Variants in NRXN1 observed in about 807,000 individuals in gnomAD.
NRXN1 encodes the protein neurexin-1.
In NRXN1, 39 loss-of-function variants were observed where a neutral mutation model predicts 150.9. The ratio of observed to expected loss-of-function variants is 0.26; its 90% CI spans 0.20 to 0.34. The LOEUF (loss-of-function observed/expected upper bound fraction) is 0.34, where lower values mean the gene tolerates loss of function less well. Among genes scored for constraint, NRXN1 ranks in the 10% least tolerant of loss-of-function variants. The pLI, the probability that NRXN1 is intolerant of heterozygous loss-of-function variation, is 1.00. For missense variants in NRXN1, 1,815 were observed against 1,949.9 expected (o/e 0.93, Z 1.30); for synonymous variants, 924 against 757.0 (o/e 1.22, Z -3.62).
intron 3 of NRXN1, among the ~76,000 whole-genome samples, chr2:50,923,935 G>C (rs980920070): frequency 4.6e-5 from 7 of 151,720 alleles, no homozygotes; most frequent in African/African-American, 1.7e-4. Context: ...ACAGTAGTGT[G>C]ATGCCTCTGA....
chr2:50,144,364 G>T (rs1307943604), intron 18 of NRXN1, among the ~76,000 whole-genome samples: 1 of 151,670 alleles, frequency 6.6e-6, no homozygotes, highest in Non-Finnish European at 1.5e-5. Context: ...TTTCATCCAG[G>T]TTGATACTCA....
intron 15 of NRXN1, among the ~76,000 whole-genome samples, chr2:50,494,122 C>T (rs2091423987): frequency 6.6e-6 from 1 of 152,182 alleles, no homozygotes; most frequent in Non-Finnish European, 1.5e-5. Flanking sequence ...TCTCAGGAGA[C>T]AGTGTCCTAA....
intron 5 of NRXN1, among the ~76,000 whole-genome samples, chr2:50,894,603 C>T (rs1681633663): frequency 6.6e-6 from 1 of 151,978 alleles, no homozygotes; most frequent in Admixed American, 6.6e-5. Flanking sequence ...CTAAGATCTA[C>T]TGAACATGAA....
intron 17 of NRXN1, among the ~76,000 whole-genome samples, chr2:50,287,848 T>C (rs1041708826): frequency 7.2e-5 from 11 of 152,178 alleles, no homozygotes; most frequent in African/African-American, 2.7e-4. Flanking sequence ...TTAGTATGTA[T>C]TAAATTTTTA....
At chr2:50,479,776 T>TTTC (rs1553673308) in intron 15 of NRXN1, among the ~76,000 whole-genome samples, 2 of 130,832 alleles carry the variant, frequency 1.5e-5, no homozygotes, top group Non-Finnish European at 3.3e-5. Flanking sequence ...TCTTTTTTTT[T>TTTC]TTTTTTTTTT....
intron 21 of NRXN1, among the ~76,000 whole-genome samples, chr2:49,985,807 T>C (rs1227622667): frequency 6.6e-6 from 1 of 152,178 alleles, no homozygotes; most frequent in Non-Finnish European, 1.5e-5. Context: ...GAATCTACAT[T>C]GCTTGATATT....
Position 50,197,006 on chromosome 2 carries a change from T to C in NRXN1, c.3546+39783A>G, listed in dbSNP as rs939522536. Among the ~76,000 whole-genome samples the C allele has an allele frequency of 4.6e-5, 7 of 152,290 alleles. No individual in the cohort carries two copies. The South Asian group carries it at 1.2e-3, about 27-fold the overall frequency. ...AAATGATCTGTCCAAGAAACCCCCA[T>C]GGCTTGAGCTTACCTATGTAACAAA... On this transcript the variant is annotated intron_variant, in intron 18 of 22. Coordinates refer to ENST00000401669, the MANE Select transcript of NRXN1 (RefSeq NM_001330078.2).
intron 21 of NRXN1, among the ~76,000 whole-genome samples, chr2:49,981,448 A>G (rs1321201625): frequency 3.9e-5 from 6 of 152,076 alleles, no homozygotes; most frequent in African/African-American, 1.2e-4. Context: ...AAAACCTTAC[A>G]TGTAGTTGAG....
At chr2:50,122,213 T>C (rs1461900334) in intron 18 of NRXN1, among the ~76,000 whole-genome samples, 2 of 152,226 alleles carry the variant, frequency 1.3e-5, no homozygotes, top group East Asian at 1.9e-4. Context: ...TCTTCACTTA[T>C]CTGAATGTGA....
intron 17 of NRXN1, among the ~76,000 whole-genome samples, chr2:50,301,783 A>G (rs2074174347): frequency 6.6e-6 from 1 of 152,202 alleles, no homozygotes; most frequent in South Asian, 2.1e-4. Flanking sequence ...GATGAGGCCC[A>G]TTGCCTATTT....
At position 49,919,962 on chromosome 2, in the gene NRXN1, A is replaced by G. The variant is rs1353704659; in HGVS notation, c.*1982T>C. On this transcript the variant is annotated 3_prime_UTR_variant, in exon 23 of 23. Transcript: ENST00000401669. ...CTTTGCTGATTAAAGCTAATTGGAA[A>G]GATATTCTTCTCTTCTACAAAATTT... The G allele has an allele frequency of 6.6e-6, 1 of 152,154 alleles. No individual in the cohort carries two copies. Among genetic ancestry groups the G allele is most frequent in the Non-Finnish European group, 1.5e-5 (1 of 67,990 alleles). The allele number at this position is 152,154 out of a possible 1,614,324, so 9.4% of individuals were successfully genotyped here.
intron 17 of NRXN1, among the ~76,000 whole-genome samples, chr2:50,443,321 T>C (rs2086126872): frequency 6.6e-6 from 1 of 152,152 alleles, no homozygotes; most frequent in Non-Finnish European, 1.5e-5. Flanking sequence ...GTGGAGATGG[T>C]GTGAATATAG....
At chr2:50,420,348 C>T (rs947851460) in intron 17 of NRXN1, among the ~76,000 whole-genome samples, 3 of 151,744 alleles carry the variant, frequency 2.0e-5, no homozygotes, top group African/African-American at 7.3e-5. Flanking sequence ...CCACAGACTA[C>T]CCCTGGTTTT....
At chr2:50,234,575 T>A (rs2065248997) in intron 18 of NRXN1, among the ~76,000 whole-genome samples, 1 of 152,094 alleles carries the variant, frequency 6.6e-6, no homozygotes, top group Non-Finnish European at 1.5e-5. Flanking sequence ...TAATGTCTAA[T>A]CACCTCTTCT....
At chr2:50,411,419 C>G (rs1017642059) in intron 17 of NRXN1, among the ~76,000 whole-genome samples, 3 of 151,792 alleles carry the variant, frequency 2.0e-5, no homozygotes, top group Non-Finnish European at 4.4e-5. Context: ...CCCAAAGTGC[C>G]GAGATTGCAG....
chr2:50,139,507 T>C (rs1706942853), intron 18 of NRXN1, among the ~76,000 whole-genome samples: 1 of 152,100 alleles, frequency 6.6e-6, no homozygotes, highest in East Asian at 1.9e-4. Context: ...AGGGCAAAAG[T>C]ATGACGGACA....
intron 2 of NRXN1, among the ~76,000 whole-genome samples, chr2:50,937,705 C>T (rs896615641): frequency 2.0e-5 from 3 of 152,014 alleles, no homozygotes; most frequent in African/African-American, 7.3e-5. Context: ...GTCTCTTAAA[C>T]TCAAAAATTA....
chr2:50,405,114 T>C (rs116283430), intron 17 of NRXN1, among the ~76,000 whole-genome samples: 1,706 of 152,286 alleles, frequency 0.011, 29 homozygotes, highest in African/African-American at 0.039. Flanking sequence ...TCTGCATTCT[T>C]CATAAATCTT....
At chr2:50,294,155 C>T (rs895347668) in intron 17 of NRXN1, among the ~76,000 whole-genome samples, 1 of 152,102 alleles carries the variant, frequency 6.6e-6, no homozygotes, top group African/African-American at 2.4e-5. Context: ...TTTAAAGCTG[C>T]TTCTACTGGA....
Sources: gnomAD v4.1 joint callset for allele counts (sites outside exome capture counted in the v4.1 genomes callset) on GRCh38, gnomAD v4.1.1 for gene constraint, MANE v1.5 for transcripts, NCBI Gene and HGNC (gene_info 2026-07-23, HGNC 2026-07-21) for gene names.